FBXL7: variants seen among roughly 807,000 people sequenced by gnomAD.
FBXL7 encodes F-box/LRR-repeat protein 7.
FBXL7 carries 12 observed loss-of-function variants against 38.3 expected under a neutral mutation model. The observed-to-expected ratio is 0.31, with a 90% CI of 0.20 to 0.51. FBXL7 has a LOEUF of 0.51. FBXL7 is among the 20% of genes least tolerant of loss of function. The pLI is 0.98. For missense variants in FBXL7, 567 were observed against 676.4 expected, an observed-to-expected ratio of 0.84 and a Z score of 1.79; for synonymous variants, 297 against 300.9, an observed-to-expected ratio of 0.99 and a Z score of 0.13.
intron 2 of FBXL7, among the ~76,000 whole-genome samples, chr5:15,861,280 C>T (rs1436064966): frequency 6.6e-6 from 1 of 152,218 alleles, no homozygotes; most frequent in Non-Finnish European, 1.5e-5. Flanking sequence ...GAATGACTGA[C>T]ATTTACATTG....
intron 2 of FBXL7, among the ~76,000 whole-genome samples, chr5:15,889,751 G>T (rs1466155884): frequency 6.6e-6 from 1 of 152,192 alleles, no homozygotes; most frequent in Non-Finnish European, 1.5e-5. Context: ...AGGTGCATTT[G>T]TAAATGACTG....
rs560944984 is a variant in FBXL7 at position 15,905,493 on chromosome 5, C to A, written c.128-22397C>A. On this transcript the variant is annotated intron_variant, in intron 2 of 3. Coordinates refer to ENST00000504595, the MANE Select transcript of FBXL7 (RefSeq NM_012304.5). ...TCCATCTGGTCAACCTCTGTTCAGTCCCATAAATAATTAATATGGAAAAAT... is the reference window on the plus strand; with the variant it reads ...TCCATCTGGTCAACCTCTGTTCAGTACCATAAATAATTAATATGGAAAAAT... Among the ~76,000 whole-genome samples the A allele has an allele frequency of 2.7e-4, 41 of 151,828 alleles. No homozygotes were observed. In the Middle Eastern group the frequency reaches 0.01, roughly 38 times the overall value.
intron 1 of FBXL7, among the ~76,000 whole-genome samples, chr5:15,520,969 C>T (rs962668900): frequency 3.9e-5 from 6 of 152,182 alleles, no homozygotes; most frequent in East Asian, 3.9e-4. Flanking sequence ...TGGGGACTAA[C>T]AAGAAGCCCA....
chr5:15,800,984 T>A (rs1398300255), intron 2 of FBXL7, among the ~76,000 whole-genome samples: 2 of 152,146 alleles, frequency 1.3e-5, no homozygotes, highest in Non-Finnish European at 2.9e-5. Flanking sequence ...AAGTCTAAAA[T>A]CCATAGGGCA....
chr5:15,822,579 A>G (rs1738199741), intron 2 of FBXL7, among the ~76,000 whole-genome samples: 1 of 141,752 alleles, frequency 7.1e-6, no homozygotes, highest in Non-Finnish European at 1.5e-5. Flanking sequence ...ACTTTTCCTC[A>G]TTTGTCTATT....
At chr5:15,871,647 G>A (rs749136195) in intron 2 of FBXL7, among the ~76,000 whole-genome samples, 7 of 152,100 alleles carry the variant, frequency 4.6e-5, no homozygotes, top group East Asian at 1.9e-4. Context: ...CGAGAACTTC[G>A]TGGAGCATAC....
intron 2 of FBXL7, among the ~76,000 whole-genome samples, chr5:15,781,083 T>C (rs2126720764): frequency 1.3e-5 from 2 of 152,298 alleles, no homozygotes; most frequent in Middle Eastern, 3.4e-3. Flanking sequence ...TCTGCTATCA[T>C]CTCTCTTCCC....
chr5:15,628,075 T>C (rs1017462321), intron 2 of FBXL7, among the ~76,000 whole-genome samples: 2 of 152,192 alleles, frequency 1.3e-5, no homozygotes, highest in African/African-American at 4.8e-5. Context: ...GTTGAAGAAT[T>C]GTAACGGGTG....
intron 2 of FBXL7, among the ~76,000 whole-genome samples, chr5:15,894,913 A>G (rs1272025655): frequency 6.6e-6 from 1 of 152,138 alleles, no homozygotes; most frequent in Admixed American, 6.5e-5. Flanking sequence ...TTAAAAGGTG[A>G]TAGCAAGTTG....
At chr5:15,886,531 C>T (rs532868354) in intron 2 of FBXL7, among the ~76,000 whole-genome samples, 1 of 152,150 alleles carries the variant, frequency 6.6e-6, no homozygotes, top group South Asian at 2.1e-4. Flanking sequence ...ATGTATGTTG[C>T]TTAGTGCATC....
chr5:15,931,662 C>T (rs907242222), intron 3 of FBXL7, among the ~76,000 whole-genome samples: 1 of 152,190 alleles, frequency 6.6e-6, no homozygotes, highest in African/African-American at 2.4e-5. Context: ...TCATAAGATG[C>T]TCTTCTTAGG....
chr5:15,540,742 C>G (rs1737716209), intron 1 of FBXL7, among the ~76,000 whole-genome samples: 1 of 152,080 alleles, frequency 6.6e-6, no homozygotes, highest in Non-Finnish European at 1.5e-5. Context: ...AGCCCTCTGC[C>G]AGGTTGCAGA....
At chr5:15,844,133 G>C (rs975949066) in intron 2 of FBXL7, among the ~76,000 whole-genome samples, 2 of 152,176 alleles carry the variant, frequency 1.3e-5, no homozygotes, top group Non-Finnish European at 2.9e-5. Flanking sequence ...AAGAAGGTGG[G>C]AAATTTGGAT....
At chr5:15,770,189 C>G (rs1038361545) in intron 2 of FBXL7, among the ~76,000 whole-genome samples, 15 of 152,114 alleles carry the variant, frequency 9.9e-5, no homozygotes, top group African/African-American at 3.6e-4. Flanking sequence ...TTAGTTGTGT[C>G]CTGGTGTCCA....
At chr5:15,776,453 A>G (rs975398963) in intron 2 of FBXL7, among the ~76,000 whole-genome samples, 3 of 152,154 alleles carry the variant, frequency 2.0e-5, no homozygotes, top group South Asian at 4.1e-4. Context: ...GAAAAAAAAC[A>G]TGATCTGGGT....
chr5:15,649,380 A>G (rs1326863787), intron 2 of FBXL7, among the ~76,000 whole-genome samples: 2 of 152,190 alleles, frequency 1.3e-5, no homozygotes, highest in Non-Finnish European at 2.9e-5. Context: ...CTGAAATAGT[A>G]TATTACTGGT....
chr5:15,605,150 T>C (rs2126500225), intron 1 of FBXL7, among the ~76,000 whole-genome samples: 1 of 152,262 alleles, frequency 6.6e-6, no homozygotes, highest in East Asian at 1.9e-4. Flanking sequence ...TGGGACTGTC[T>C]CCTTTCTCTC....
chr5:15,500,650 G>C lies in FBXL7; in HGVS notation c.-27G>C, dbSNP rs114780856. On this transcript the variant is annotated 5_prime_UTR_variant, in exon 1 of 4. Transcript: ENST00000504595. ...TGCGCCGCAGCTATGGAGTGTCCCG[G>C]GAGACGGCGGGCATGACGGCTACAG... The C allele has an allele frequency of 1.7e-3, 2,818 of 1,613,448 alleles. 48 individuals are homozygous for C. The African/African-American group carries it at 0.034, about 19-fold the overall frequency.
At chr5:15,528,732 C>G (rs2126387121) in intron 1 of FBXL7, among the ~76,000 whole-genome samples, 1 of 152,296 alleles carries the variant, frequency 6.6e-6, no homozygotes, top group Middle Eastern at 3.4e-3. Flanking sequence ...TGGGTGGAGA[C>G]ACAGCCAAAC....
Sources: gnomAD v4.1 joint callset for allele counts (sites outside exome capture counted in the v4.1 genomes callset) on GRCh38, gnomAD v4.1.1 for gene constraint, MANE v1.5 for transcripts, NCBI Gene and HGNC (gene_info 2026-07-23, HGNC 2026-07-21) for gene names.